Variants in HIF1A observed in about 807,000 individuals in gnomAD.
HIF1A encodes the protein hypoxia inducible factor 1 subunit alpha, also known as hypoxia-inducible factor 1-alpha.
HIF1A carries 24 observed loss-of-function variants against 92.7 expected under a neutral mutation model. The ratio of observed to expected loss-of-function variants is 0.26; its 90% confidence interval spans 0.19 to 0.36. The LOEUF (loss-of-function observed/expected upper bound fraction) is 0.36. HIF1A is among the 10% of genes least tolerant of loss of function. The pLI is 1.00. For synonymous variants in HIF1A, 319 were observed against 338.7 expected, an observed-to-expected ratio of 0.94 and a Z score of 0.64; for missense variants, 799 against 998.5, an observed-to-expected ratio of 0.80 and a Z score of 2.69.
chr14:61,735,993 C>CTTT (rs10658676), intron 8 of HIF1A, among the ~76,000 whole-genome samples: 2,283 of 144,124 alleles, frequency 0.016, 60 homozygotes, highest in African/African-American at 0.051. Context: ...TTCTTTTTTT[C>CTTT]TTTTTTTTTT....
intron 6 of HIF1A, among the ~76,000 whole-genome samples, chr14:61,731,797 C>A (rs940987736): frequency 1.3e-5 from 2 of 152,160 alleles, no homozygotes; most frequent in African/African-American, 2.4e-5. Context: ...TTTATTAATA[C>A]CCTGCCTTGT....
At chr14:61,739,133 G>C (rs1451266859) in intron 10 of HIF1A, among the ~76,000 whole-genome samples, 3 of 152,142 alleles carry the variant, frequency 2.0e-5, no homozygotes, top group African/African-American at 4.8e-5. Flanking sequence ...TAAATTCTTT[G>C]CCCAATTTAG....
At chr14:61,704,996 C>A (rs1462786578) in intron 1 of HIF1A, among the ~76,000 whole-genome samples, 36 of 152,116 alleles carry the variant, frequency 2.4e-4, no homozygotes, top group Admixed American at 2.4e-3. Flanking sequence ...ATGTCAACCA[C>A]CACAGGCGCA....
chr14:61,708,567 T>TC (rs1250009917), intron 1 of HIF1A, among the ~76,000 whole-genome samples: 1 of 152,082 alleles, frequency 6.6e-6, no homozygotes, highest in Non-Finnish European at 1.5e-5. Flanking sequence ...GGGAATCCTT[T>TC]CCCCATTTCT....
chr14:61,722,018 T>C (rs1191269167), intron 4 of HIF1A, among the ~76,000 whole-genome samples, 195 bp downstream of exon 4: 1 of 152,048 alleles, frequency 6.6e-6, no homozygotes, highest in Non-Finnish European at 1.5e-5. Flanking sequence ...CCTAATTGCA[T>C]AAATAATTGT....
At chr14:61,745,163 G>A (rs896545165) in intron 13 of HIF1A, among the ~76,000 whole-genome samples, 45 of 152,054 alleles carry the variant, frequency 3.0e-4, no homozygotes, top group African/African-American at 9.9e-4. Flanking sequence ...AGTGCCTCAC[G>A]CCTGTAATCC....
intron 1 of HIF1A, among the ~76,000 whole-genome samples, chr14:61,713,430 T>C (rs984513046): frequency 6.6e-6 from 1 of 152,140 alleles, no homozygotes; most frequent in Admixed American, 6.5e-5. Flanking sequence ...TGAATCAGAA[T>C]TTACAGATTC....
chr14:61,713,182 G>A (rs752403163), intron 1 of HIF1A, among the ~76,000 whole-genome samples: 4 of 151,952 alleles, frequency 2.6e-5, no homozygotes, highest in Non-Finnish European at 5.9e-5. Context: ...GGTAAGGGAG[G>A]GCTTCCTTTT....
At chr14:61,718,687 A>T (rs186695102) in intron 1 of HIF1A, among the ~76,000 whole-genome samples, 2 of 151,718 alleles carry the variant, frequency 1.3e-5, no homozygotes, top group Admixed American at 1.3e-4. Flanking sequence ...TCAGTGACTA[A>T]TTTTTTTTTA....
intron 1 of HIF1A, among the ~76,000 whole-genome samples, chr14:61,706,660 C>CGATT (rs1178467477): frequency 6.6e-6 from 1 of 152,198 alleles, no homozygotes; most frequent in African/African-American, 2.4e-5. Context: ...GTGGTTAAAT[C>CGATT]ACCTGAGTGT....
At chr14:61,701,628 T>C (rs546452472) in intron 1 of HIF1A, among the ~76,000 whole-genome samples, 59 of 152,316 alleles carry the variant, frequency 3.9e-4, no homozygotes, top group African/African-American at 1.2e-3. Flanking sequence ...AAATGATTTC[T>C]ACCCTCCCCC....
At chr14:61,701,154 A>G (rs2044171864) in intron 1 of HIF1A, among the ~76,000 whole-genome samples, 1 of 152,212 alleles carries the variant, frequency 6.6e-6, no homozygotes, top group South Asian at 2.1e-4. Flanking sequence ...TTTATTAAAA[A>G]CTGTTCCCAA....
intron 8 of HIF1A, among the ~76,000 whole-genome samples, chr14:61,736,443 G>A (rs2044639053): frequency 6.6e-6 from 1 of 152,066 alleles, no homozygotes; most frequent in Admixed American, 6.6e-5. Flanking sequence ...TGTCACCCAG[G>A]TAGTGAGCAT....
At chr14:61,714,895 G>A (rs927045849) in intron 1 of HIF1A, among the ~76,000 whole-genome samples, 6 of 152,090 alleles carry the variant, frequency 3.9e-5, no homozygotes, top group Non-Finnish European at 7.4e-5. Context: ...TTAGCTGGGC[G>A]TGGTGGCACA....
At chr14:61,725,626 C>T (rs1319435479) in intron 4 of HIF1A, among the ~76,000 whole-genome samples, 1 of 152,050 alleles carries the variant, frequency 6.6e-6, no homozygotes, top group Middle Eastern at 3.2e-3. Flanking sequence ...TGATGGCCAG[C>T]ATGGTCTCAA....
intron 1 of HIF1A, chr14:61,698,063 G>A (rs966867552): frequency 9.2e-6 from 5 of 544,532 alleles, no homozygotes; most frequent in Non-Finnish European, 1.5e-5. Context: ...GATTTTTAAG[G>A]GAATGTCAAG....
chr14:61,747,166 AT>A lies in HIF1A; in HGVS notation c.*85del. ...AGTCTATTTATATTTTCTACATCTAATTTTAGAAGCCTGGCTACAATACTGC... is the reference window on the plus strand; with the variant it reads ...AGTCTATTTATATTTTCTACATCTAATTTAGAAGCCTGGCTACAATACTGC... On this transcript the variant is annotated 3_prime_UTR_variant, in exon 15 of 15. Transcript: ENST00000337138. 1 of 1,262,288 alleles carries A rather than the reference AT, an allele frequency of 7.9e-7. No individual in the cohort carries two copies. The highest frequency in any genetic ancestry group is 1.1e-6 in the Non-Finnish European group (1 of 914,234). The allele number at this position is 1,262,288 out of a possible 1,614,324, so 78.2% of individuals were successfully genotyped here. A position where few individuals can be genotyped will look rare whatever the true frequency, so the allele number is the denominator to read the frequency against.
In HIF1A at chr14:61,720,396, G is replaced by C; in HGVS notation, c.50G>C (p.Arg17Pro). 6.2e-7 allele frequency: 1 copy of C among 1,610,912 alleles called. No homozygotes were observed. Among genetic ancestry groups the C allele is most frequent in the Non-Finnish European group, 8.5e-7 (1 of 1,178,798 alleles). The change falls in exon 2 of 15, where the codon CGT becomes CCT. Residue 17 changes from arginine to proline, a missense_variant. Arg to Pro is a moderately radical substitution (Grantham distance 103, BLOSUM62 -2). Coordinates refer to ENST00000337138, the MANE Select transcript of HIF1A (RefSeq NM_001530.4). ...TTGTTAAGTAGGATAAGTTCTGAAC[G>C]TCGAAAAGAAAAGTCTCGAGATGCA... Reference protein sequence around the residue: ...ANDKKKISSERRKEKSRDAAR... With the variant: ...ANDKKKISSEPRKEKSRDAAR...
intron 6 of HIF1A, among the ~76,000 whole-genome samples, chr14:61,728,476 T>C (rs1393763365): frequency 6.6e-6 from 1 of 152,230 alleles, no homozygotes; most frequent in Non-Finnish European, 1.5e-5. Flanking sequence ...CTGTAACAAC[T>C]GTACTACTAC....
Sources: allele counts gnomAD v4.1 joint callset (sites outside exome capture counted in the v4.1 genomes callset), GRCh38; gene constraint gnomAD v4.1.1; transcripts MANE v1.5; gene names NCBI Gene and HGNC (gene_info 2026-07-23, HGNC 2026-07-21).